The following USP28 variants were observed in gnomAD, a reference collection of about 807,000 sequenced individuals.
The protein encoded by USP28 is ubiquitin carboxyl-terminal hydrolase 28.
Under a neutral mutation model 145.0 loss-of-function variants are expected in USP28, and 113 were observed. The observed-to-expected ratio is 0.78, with a 90% CI of 0.67 to 0.91. The LOEUF is 0.91. USP28 is among the 40% of genes least tolerant of loss of function. The probability of loss-of-function intolerance (pLI) is 0.00; values close to 1 mark genes in which losing one functional copy is unlikely to be tolerated. For synonymous variants in USP28, 447 were observed against 450.9 expected (o/e 0.99, Z 0.11); for missense variants, 1,201 against 1,289.6 (o/e 0.93, Z 1.05).
chr11:113,875,418 G>A, intron 1 of USP28, 27 bp downstream of exon 1: 1 of 1,234,964 alleles, frequency 8.1e-7, no homozygotes, highest in Non-Finnish European at 1.0e-6. Context: ...CCCGCCCCCA[G>A]CTCCCGCTCG....
chr11:113,852,525 CACTCCCCTCT>C lies in USP28; in HGVS notation c.234_243del (p.Glu79LeufsTer7). 6.2e-7 allele frequency: 1 copy of C among 1,614,200 alleles called. No homozygotes were observed. The highest frequency in any genetic ancestry group is 8.5e-7 in the Non-Finnish European group (1 of 1,180,038). Reference sequence around the variant, plus strand: ...CTTGCTAATACTTCCTTGTTGGCAGCACTCCCCTCTACTTCAGATGGTTCTGTAGCAACAG... The same window carrying C: ...CTTGCTAATACTTCCTTGTTGGCAGCACTTCAGATGGTTCTGTAGCAACAG... On this transcript the variant is annotated frameshift_variant, in exon 3 of 25. Coordinates refer to ENST00000003302, the Ensembl canonical transcript of USP28. LOFTEE classifies it high-confidence loss of function.
chr11:113,799,727 T>C (rs1938596903), intron 24 of USP28, among the ~76,000 whole-genome samples: 1 of 152,238 alleles, frequency 6.6e-6, no homozygotes. Flanking sequence ...TTCTTTCAAA[T>C]GTTTACAATA....
At chr11:113,805,139 C>T in intron 19 of USP28, 93 bp from the exon 21 acceptor site, 1 of 1,122,080 alleles carries the variant, frequency 8.9e-7, no homozygotes, top group Admixed American at 3.0e-5. Context: ...TCTCTTGACT[C>T]TAAAAAGACT....
At chr11:113,803,922 T>G in intron 21 of USP28, 45 bp from the exon 23 acceptor site, 1 of 1,534,002 alleles carries the variant, frequency 6.5e-7, no homozygotes, top group East Asian at 2.3e-5. Flanking sequence ...CATAATAGAT[T>G]GTTAGTGTCC....
At chr11:113,863,144 A>C (rs1240105962) in intron 1 of USP28, among the ~76,000 whole-genome samples, 1 of 152,214 alleles carries the variant, frequency 6.6e-6, no homozygotes, top group Non-Finnish European at 1.5e-5. Context: ...AAAATCCCAA[A>C]GATTCTGCAA....
chr11:113,840,474 C>A, intron 5 of USP28, 124 bp downstream of exon 5: 1 of 1,266,096 alleles, frequency 7.9e-7, no homozygotes, highest in Non-Finnish European at 1.1e-6. Flanking sequence ...ACAATAATGC[C>A]AGAAAAACTC....
intron 1 of USP28, among the ~76,000 whole-genome samples, chr11:113,859,045 AT>A (rs1395560147): frequency 6.6e-6 from 1 of 151,656 alleles, no homozygotes; most frequent in African/African-American, 2.4e-5. Context: ...AACTACTTTA[AT>A]TTTTTTTTCT....
chr11:113,808,145 G>A lies in USP28; in HGVS notation c.2304+153C>T. On this transcript the variant is annotated intron_variant, in intron 18 of 24. Transcript: ENST00000003302. ...GGTTCAGCTTCTTTAAGCTGTGGCA[G>A]CAGAGTGGGGAGAAAGAGTAAGAAA... 6.6e-7 allele frequency: 1 copy of A among 1,513,742 alleles called. No homozygotes were observed. 93.8% of individuals were successfully genotyped at this position (1,513,742 alleles called of 1,614,324 possible). A position where few individuals can be genotyped will look rare whatever the true frequency, so the allele number is the denominator to read the frequency against.
chr11:113,848,713 T>C (rs1946141103), intron 3 of USP28, among the ~76,000 whole-genome samples: 1 of 152,214 alleles, frequency 6.6e-6, no homozygotes. Context: ...TGTATCTGCC[T>C]GGAGAATGTT....
chr11:113,846,651 T>C (rs1945885028), intron 3 of USP28, among the ~76,000 whole-genome samples: 1 of 152,232 alleles, frequency 6.6e-6, no homozygotes, highest in Admixed American at 6.5e-5. Flanking sequence ...CCTTAGATTT[T>C]ATGTAATGTG....
rs369183648 is a variant in USP28 at position 113,799,591 on chromosome 11, C to CTT, written c.3059-178_3059-177dup. Among the ~76,000 whole-genome samples, 341 of 152,322 alleles carry CTT rather than the reference C, an allele frequency of 2.2e-3. 2 individuals carry two copies. Among genetic ancestry groups the CTT allele is most frequent in the African/African-American group, 7.1e-3 (296 of 41,584 alleles). Reference sequence around the variant, plus strand: ...CAGGAGCAAAGGCAAATAAACCAAACTTTAGCTCACTGCTATATAACAACT... The same window carrying CTT: ...CAGGAGCAAAGGCAAATAAACCAAACTTTTTAGCTCACTGCTATATAACAACT... On this transcript the variant is annotated intron_variant, in intron 24 of 24. Coordinates refer to ENST00000003302, the Ensembl canonical transcript of USP28.
chr11:113,832,234 C>T (rs946201601), intron 7 of USP28, among the ~76,000 whole-genome samples: 1 of 152,132 alleles, frequency 6.6e-6, no homozygotes, highest in Admixed American at 6.5e-5. Context: ...CTCAGCCTCC[C>T]AAGTAGCTGG....
intron 2 of USP28, among the ~76,000 whole-genome samples, chr11:113,853,291 T>C (rs952744858): frequency 1.6e-5 from 2 of 121,454 alleles, no homozygotes; most frequent in African/African-American, 3.3e-5. Context: ...TGAGATCCTG[T>C]CTCCTGTCTC....
chr11:113,803,115 G>A, intron 23 of USP28, 43 bp downstream of exon 24: 1 of 1,579,296 alleles, frequency 6.3e-7, no homozygotes, highest in Non-Finnish European at 8.6e-7. Flanking sequence ...AGGAGCAGAG[G>A]TAAACAACAA....
intron 23 of USP28, among the ~76,000 whole-genome samples, chr11:113,802,148 C>T (rs1939148215): frequency 6.6e-6 from 1 of 152,058 alleles, no homozygotes. Context: ...GGTTGGGACT[C>T]AATAATGGAA....
chr11:113,856,125 C>T (rs977127803), intron 1 of USP28, among the ~76,000 whole-genome samples: 4 of 152,102 alleles, frequency 2.6e-5, no homozygotes, highest in South Asian at 2.1e-4. Context: ...AAACTAAAAT[C>T]GCAAGCATGT....
intron 1 of USP28, among the ~76,000 whole-genome samples, chr11:113,866,428 C>G (rs1248645645): frequency 6.6e-6 from 1 of 152,170 alleles, no homozygotes; most frequent in African/African-American, 2.4e-5. Flanking sequence ...TCTCTTTGAA[C>G]TCCCTTTAAG....
At chr11:113,832,140 C>CAAA in intron 7 of USP28, 147 bp from the exon 8 acceptor site, 5 of 703,286 alleles carry the variant, frequency 7.1e-6, no homozygotes, top group Non-Finnish European at 1.2e-5. Context: ...GACAGGGTCT[C>CAAA]ACTCTGTCGC....
exon 25 of USP28, chr11:113,798,940 C>A (rs1479509237): frequency 1.0e-5 from 2 of 191,638 alleles, no homozygotes; most frequent in Non-Finnish European, 1.1e-5. Context: ...TTAAAAGTGG[C>A]AAGAGGCTTA....
Sources: allele counts gnomAD v4.1 joint callset (sites outside exome capture counted in the v4.1 genomes callset), GRCh38; gene constraint gnomAD v4.1.1; transcripts MANE v1.5; gene names NCBI Gene and HGNC (gene_info 2026-07-23, HGNC 2026-07-21).